Variants in ANKS1B observed in about 807,000 individuals in gnomAD.
ANKS1B encodes the protein ankyrin repeat and sterile alpha motif domain containing 1B.
ANKS1B carries 36 observed loss-of-function variants against 148.3 expected under a neutral mutation model. That is an observed-to-expected ratio of 0.24 (90% CI 0.19 to 0.32). ANKS1B has a LOEUF of 0.32. ANKS1B is among the 10% of genes least tolerant of loss of function. The pLI is 1.00. For missense variants in ANKS1B, 1,157 were observed against 1,542.6 expected (o/e 0.75, Z 4.19); for synonymous variants, 542 against 560.8 (o/e 0.97, Z 0.47).
intron 11 of ANKS1B, among the ~76,000 whole-genome samples, chr12:99,418,488 G>T (rs2094976250): frequency 6.6e-6 from 1 of 152,060 alleles, no homozygotes; most frequent in Non-Finnish European, 1.5e-5. Context: ...CCGTGACCTT[G>T]TTGAGCTCAC....
intron 1 of ANKS1B, among the ~76,000 whole-genome samples, chr12:99,867,035 C>T (rs2090849595): frequency 6.6e-6 from 1 of 152,162 alleles, no homozygotes; most frequent in East Asian, 1.9e-4. Context: ...AAATCAGGGG[C>T]ACCAGTAATC....
chr12:98,986,289 C>A (rs2099923348), intron 17 of ANKS1B, among the ~76,000 whole-genome samples: 1 of 151,852 alleles, frequency 6.6e-6, no homozygotes, highest in Admixed American at 6.6e-5. Flanking sequence ...CCTGTTCAGG[C>A]ATTTCTTCTG....
chr12:99,723,126 G>A (rs1034323944), intron 8 of ANKS1B, among the ~76,000 whole-genome samples: 15 of 152,240 alleles, frequency 9.9e-5, no homozygotes, highest in Non-Finnish European at 5.9e-5. Flanking sequence ...GCTTAAGCCT[G>A]CTGAGTTCCC....
At chr12:99,538,634 T>C (rs1596571974) in intron 9 of ANKS1B, among the ~76,000 whole-genome samples, 1 of 152,286 alleles carries the variant, frequency 6.6e-6, no homozygotes, top group East Asian at 1.9e-4. Flanking sequence ...CTAGTTCTAA[T>C]AGTTTTCTTG....
intron 9 of ANKS1B, among the ~76,000 whole-genome samples, chr12:99,508,635 G>A (rs944941195): frequency 1.3e-5 from 2 of 151,504 alleles, no homozygotes; most frequent in African/African-American, 4.8e-5. Flanking sequence ...TATATACCTG[G>A]TCATAATTTA....
intron 12 of ANKS1B, among the ~76,000 whole-genome samples, chr12:99,380,910 C>T (rs1244553859): frequency 1.3e-5 from 2 of 152,038 alleles, no homozygotes; most frequent in African/African-American, 4.8e-5. Flanking sequence ...CCATGAAGTT[C>T]ATGAATTTAC....
chr12:99,383,415 A>G (rs534263436), intron 12 of ANKS1B, among the ~76,000 whole-genome samples: 202 of 152,210 alleles, frequency 1.3e-3, no homozygotes, highest in Middle Eastern at 3.4e-3. Context: ...GCCCTCTACA[A>G]CCTGGCCCCT....
intron 12 of ANKS1B, among the ~76,000 whole-genome samples, chr12:99,386,811 A>G (rs1397117276): frequency 6.6e-6 from 1 of 152,216 alleles, no homozygotes; most frequent in Non-Finnish European, 1.5e-5. Flanking sequence ...CCCTGAGGCA[A>G]CTTATGAAAT....
chr12:98,789,277 T>TGATTG (rs1369104814), intron 22 of ANKS1B, among the ~76,000 whole-genome samples: 2 of 152,042 alleles, frequency 1.3e-5, no homozygotes, highest in African/African-American at 4.8e-5. Context: ...TGGAAGGCAG[T>TGATTG]GATTGTAGTG....
chr12:99,416,333 A>T lies in ANKS1B; in HGVS notation c.1576-16522T>A, dbSNP rs144962435. 2.4e-3 allele frequency among the ~76,000 whole-genome samples: 361 copies of T among 152,350 alleles called. 1 individual carries two copies. The highest frequency in any genetic ancestry group is 4.3e-3 in the Non-Finnish European group (294 of 68,024). On this transcript the variant is annotated intron_variant, in intron 11 of 26. Transcript: ENST00000683438. ...ATAAATATTTGTGTACAGATTTTTC[A>T]GTGAACATGTTTTCATTTATCTGGG...
chr12:99,100,546 T>C (rs887784345), intron 15 of ANKS1B, among the ~76,000 whole-genome samples: 1 of 152,198 alleles, frequency 6.6e-6, no homozygotes, highest in African/African-American at 2.4e-5. Flanking sequence ...TATTATTGTT[T>C]TGAGACAGAG....
chr12:98,890,945 AGGTGATAGAATAT>A (rs2099751366), intron 17 of ANKS1B, among the ~76,000 whole-genome samples: 1 of 152,182 alleles, frequency 6.6e-6, no homozygotes, highest in African/African-American at 2.4e-5. Context: ...GTAGTGACAG[AGGTGATAGAATAT>A]GGTAAAGTTG....
intron 10 of ANKS1B, among the ~76,000 whole-genome samples, chr12:99,449,933 A>G (rs971357326): frequency 1.3e-5 from 2 of 151,874 alleles, no homozygotes; most frequent in Non-Finnish European, 2.9e-5. Flanking sequence ...CTATCTATCT[A>G]TCTATCTATC....
chr12:99,682,799 C>G (rs534896401), intron 8 of ANKS1B, among the ~76,000 whole-genome samples: 1 of 151,818 alleles, frequency 6.6e-6, no homozygotes, highest in African/African-American at 2.4e-5. Context: ...AACAAAAATA[C>G]AAAAGATAAA....
At chr12:99,638,801 T>A (rs1249648547) in intron 9 of ANKS1B, among the ~76,000 whole-genome samples, 7 of 152,142 alleles carry the variant, frequency 4.6e-5, no homozygotes, top group Non-Finnish European at 7.4e-5. Context: ...AAAATACGGT[T>A]TCCTGAGCTG....
Position 98,850,624 on chromosome 12 carries a change from C to T in ANKS1B, c.2779-18488G>A, listed in dbSNP as rs534086020. On this transcript the variant is annotated intron_variant, in intron 17 of 26. Coordinates refer to ENST00000683438, the MANE Select transcript of ANKS1B (RefSeq NM_001352186.2). ...CTGGGACTACTGGCACACGCCGCCA[C>T]GCTCAGCTAATTTTTTGTATTTTTA... 1.8e-4 allele frequency among the ~76,000 whole-genome samples: 28 copies of T among 152,004 alleles called. 1 individual carries two copies. The South Asian group carries it at 4.1e-3, about 23-fold the overall frequency.
At chr12:98,748,595 T>C (rs1470468710) in intron 26 of ANKS1B, among the ~76,000 whole-genome samples, 2 of 152,194 alleles carry the variant, frequency 1.3e-5, no homozygotes, top group East Asian at 3.8e-4. Flanking sequence ...TGTATCTCCA[T>C]AAAGCTGTGG....
chr12:99,710,606 A>T (rs76306614), intron 8 of ANKS1B, among the ~76,000 whole-genome samples: 25,420 of 152,018 alleles, frequency 0.17, 2,624 homozygotes, highest in East Asian at 0.47. Context: ...AGTAGCAAAA[A>T]TTCCTTTCCT....
intron 9 of ANKS1B, among the ~76,000 whole-genome samples, chr12:99,631,323 G>A (rs769273738): frequency 6.6e-6 from 1 of 152,040 alleles, no homozygotes; most frequent in Non-Finnish European, 1.5e-5. Context: ...AATTGTTACC[G>A]AGAAGTGGAG....
Sources: allele counts gnomAD v4.1 joint callset (sites outside exome capture counted in the v4.1 genomes callset), GRCh38; gene constraint gnomAD v4.1.1; transcripts MANE v1.5; gene names NCBI Gene and HGNC (gene_info 2026-07-23, HGNC 2026-07-21).